The following MIPOL1 variants were observed in gnomAD, a reference collection of about 807,000 sequenced individuals.
The protein encoded by MIPOL1 is mirror-image polydactyly 1.
MIPOL1 carries 57 observed loss-of-function variants against 60.9 expected under a neutral mutation model. That is an observed-to-expected ratio of 0.94 (90% CI 0.76 to 1.17). The LOEUF (loss-of-function observed/expected upper bound fraction) is 1.17. Among genes scored for constraint, MIPOL1 ranks in the 50% most tolerant of loss-of-function variants. MIPOL1 has a pLI of 0.00. For missense variants in MIPOL1, 551 were observed against 511.6 expected, an observed-to-expected ratio of 1.08 and a Z score of -0.74; for synonymous variants, 179 against 168.8, an observed-to-expected ratio of 1.06 and a Z score of -0.47.
chr14:37,263,819 A>G (rs569458875), intron 3 of MIPOL1, among the ~76,000 whole-genome samples: 3 of 152,324 alleles, frequency 2.0e-5, no homozygotes, highest in African/African-American at 7.2e-5. Context: ...TTCAAACCAT[A>G]TGAAAGAGAT....
intron 9 of MIPOL1, among the ~76,000 whole-genome samples, chr14:37,333,590 G>T (rs1171786415): frequency 6.6e-6 from 1 of 152,090 alleles, no homozygotes; most frequent in Admixed American, 6.5e-5. Flanking sequence ...TAAGAAAGTT[G>T]CTATGGCTAT....
At chr14:37,503,109 T>C (rs983091582) in intron 12 of MIPOL1, 2 of 152,046 alleles carry the variant, frequency 1.3e-5, no homozygotes, top group Non-Finnish European at 2.9e-5. Context: ...CCAAGAAATA[T>C]GGGATTACGT....
At chr14:37,353,167 G>T (rs1354031132) in intron 9 of MIPOL1, among the ~76,000 whole-genome samples, 1 of 146,474 alleles carries the variant, frequency 6.8e-6, no homozygotes, top group African/African-American at 2.6e-5. Context: ...AGATAATCAT[G>T]TGGTTTTTGT....
Position 37,488,777 on chromosome 14 carries a change from C to A in MIPOL1, c.1032-11131C>A, listed in dbSNP as rs559292949. On this transcript the variant is annotated intron_variant, in intron 11 of 12. Coordinates refer to ENST00000684589, the MANE Select transcript of MIPOL1 (RefSeq NM_001388067.1). ...GTTGAATATTGGCCCCCACTCTCTT[C>A]TGGCTTGTAGGTTTTCTCCCGAGAG... Among the ~76,000 whole-genome samples, 3 of 152,312 alleles carry A rather than the reference C, an allele frequency of 2.0e-5. No homozygotes were observed. The East Asian group carries it at 5.8e-4, about 29-fold the overall frequency.
intron 11 of MIPOL1, among the ~76,000 whole-genome samples, chr14:37,476,582 G>T (rs988357192): frequency 2.6e-5 from 4 of 152,128 alleles, no homozygotes; most frequent in Non-Finnish European, 5.9e-5. Flanking sequence ...TAGATGTTCT[G>T]TATAAAATTG....
intron 7 of MIPOL1, among the ~76,000 whole-genome samples, chr14:37,289,420 C>T (rs1019657194): frequency 2.6e-5 from 4 of 152,192 alleles, no homozygotes; most frequent in Admixed American, 6.5e-5. Flanking sequence ...TCGTTAAGTC[C>T]AGGCCTCTGA....
intron 9 of MIPOL1, among the ~76,000 whole-genome samples, chr14:37,349,539 C>T (rs2091197153): frequency 6.6e-6 from 1 of 152,150 alleles, no homozygotes; most frequent in African/African-American, 2.4e-5. Context: ...CACCTTGGGG[C>T]CTTTGCACTT....
At chr14:37,287,613 G>C (rs1379868292) in intron 7 of MIPOL1, among the ~76,000 whole-genome samples, 1 of 152,022 alleles carries the variant, frequency 6.6e-6, no homozygotes, top group Non-Finnish European at 1.5e-5. Context: ...GTATTAACTT[G>C]AATTTAAGAG....
intron 12 of MIPOL1, among the ~76,000 whole-genome samples, chr14:37,524,624 G>A (rs189590343): frequency 9.1e-5 from 12 of 132,046 alleles, no homozygotes; most frequent in African/African-American, 3.0e-4. Flanking sequence ...CTGGAGTGCA[G>A]TGGCGCAATC....
chr14:37,220,559 CT>C (rs368404037), intron 1 of MIPOL1, among the ~76,000 whole-genome samples: 191 of 152,256 alleles, frequency 1.3e-3, no homozygotes, highest in Middle Eastern at 3.4e-3. Context: ...GTGGCATGAG[CT>C]GGCACCATGG....
intron 11 of MIPOL1, among the ~76,000 whole-genome samples, chr14:37,453,831 A>T (rs1271711014): frequency 1.3e-5 from 2 of 152,156 alleles, no homozygotes; most frequent in Admixed American, 6.5e-5. Context: ...TCTTTTATTT[A>T]TTGAAATTAT....
chr14:37,283,252 A>T (rs896692408), intron 6 of MIPOL1, among the ~76,000 whole-genome samples: 3 of 152,014 alleles, frequency 2.0e-5, no homozygotes, highest in Admixed American at 6.6e-5. Context: ...TTTTTAGTAG[A>T]GATGGGGTTT....
intron 11 of MIPOL1, among the ~76,000 whole-genome samples, chr14:37,471,111 G>A (rs560075866): frequency 6.6e-6 from 1 of 152,256 alleles, no homozygotes; most frequent in South Asian, 2.1e-4. Context: ...ATTTTTAAGT[G>A]TCTTTTGTAT....
chr14:37,367,292 G>GATA (rs2092504342), intron 9 of MIPOL1, among the ~76,000 whole-genome samples: 1 of 151,878 alleles, frequency 6.6e-6, no homozygotes, highest in African/African-American at 2.4e-5. Flanking sequence ...GATTTTCAAG[G>GATA]ATAATGTCAA....
At chr14:37,268,189 A>G (rs994438287) in intron 4 of MIPOL1, among the ~76,000 whole-genome samples, 1 of 152,206 alleles carries the variant, frequency 6.6e-6, no homozygotes, top group African/African-American at 2.4e-5. Flanking sequence ...CAAATTATTC[A>G]GTAGATATGT....
intron 4 of MIPOL1, among the ~76,000 whole-genome samples, 183 bp downstream of exon 4, chr14:37,267,352 G>A (rs971813420): frequency 1.3e-5 from 2 of 152,122 alleles, no homozygotes; most frequent in African/African-American, 4.8e-5. Flanking sequence ...GCCAGGTGTG[G>A]TGGCACATGC....
intron 10 of MIPOL1, among the ~76,000 whole-genome samples, chr14:37,389,239 A>C (rs531908117): frequency 5.3e-5 from 8 of 152,172 alleles, no homozygotes; most frequent in East Asian, 1.9e-4. Context: ...GTAAAAAAAA[A>C]CAAAAAACAG....
intron 11 of MIPOL1, among the ~76,000 whole-genome samples, chr14:37,446,688 T>A (rs547108223): frequency 3.0e-4 from 45 of 152,278 alleles, no homozygotes; most frequent in Non-Finnish European, 5.4e-4. Flanking sequence ...TGTCCAACAA[T>A]GATAGACTGG....
At chr14:37,371,988 A>T (rs1161842245) in intron 10 of MIPOL1, among the ~76,000 whole-genome samples, 7 of 152,152 alleles carry the variant, frequency 4.6e-5, no homozygotes, top group Non-Finnish European at 1.0e-4. Flanking sequence ...CTGATTTAAT[A>T]TTTAGTTAGT....
Sources: allele counts gnomAD v4.1 joint callset (sites outside exome capture counted in the v4.1 genomes callset), GRCh38; gene constraint gnomAD v4.1.1; transcripts MANE v1.5; gene names NCBI Gene and HGNC (gene_info 2026-07-23, HGNC 2026-07-21).